PGBD5: variants seen among roughly 807,000 people sequenced by gnomAD.
PGBD5 encodes piggyBac transposable element-derived protein 5.
In PGBD5, 14 loss-of-function variants were observed where a neutral mutation model predicts 47.9. The observed-to-expected ratio is 0.29, with a 90% CI of 0.19 to 0.46. The LOEUF is 0.46. PGBD5 is among the 20% of genes least tolerant of loss of function. PGBD5 has a pLI of 1.00. For synonymous variants in PGBD5, 316 were observed against 306.3 expected, an observed-to-expected ratio of 1.03 and a Z score of -0.33; for missense variants, 635 against 716.0, an observed-to-expected ratio of 0.89 and a Z score of 1.29.
At chr1:230,412,626 G>A (rs2102750787) in intron 1 of PGBD5, among the ~76,000 whole-genome samples, 1 of 152,152 alleles carries the variant, frequency 6.6e-6, no homozygotes. Context: ...CTGACCTCAT[G>A]ATCCACCCTC....
chr1:230,374,948 T>G (rs1667988352), intron 1 of PGBD5, among the ~76,000 whole-genome samples: 1 of 152,188 alleles, frequency 6.6e-6, no homozygotes, highest in Non-Finnish European at 1.5e-5. Context: ...GTCCAGGCCG[T>G]GGCCCTCCTT....
rs554224851 is a variant in PGBD5 at position 230,320,738 on chromosome 1, C to T, written c.*2687G>A. The T allele has an allele frequency of 6.6e-6, 1 of 152,340 alleles. No homozygotes were observed. Among genetic ancestry groups the T allele is most frequent in the African/African-American group, 2.4e-5 (1 of 41,568 alleles). The allele number at this position is 152,340 out of a possible 1,614,324, so 9.4% of individuals were successfully genotyped here. On this transcript the variant is annotated 3_prime_UTR_variant, in exon 7 of 7. Transcript: ENST00000391860. ...GATACTGGAACCAGATGCACTTCAACTAGAGTCACTCCAAAAAGCCACTTT... is the reference window on the plus strand; with the variant it reads ...GATACTGGAACCAGATGCACTTCAATTAGAGTCACTCCAAAAAGCCACTTT...
chr1:230,388,537 TC>T (rs1214312223), intron 1 of PGBD5, among the ~76,000 whole-genome samples: 25 of 152,018 alleles, frequency 1.6e-4, no homozygotes, highest in African/African-American at 6.0e-4. Flanking sequence ...TGCCTCAGCT[TC>T]CCAAGTAGCT....
intron 1 of PGBD5, among the ~76,000 whole-genome samples, chr1:230,397,297 C>T (rs1488441971): frequency 6.6e-6 from 1 of 152,216 alleles, no homozygotes; most frequent in Non-Finnish European, 1.5e-5. Flanking sequence ...TCAGTGGCTA[C>T]ATTTTCTAAT....
At chr1:230,326,686 G>A (rs1667122820) in intron 5 of PGBD5, among the ~76,000 whole-genome samples, 3 of 152,046 alleles carry the variant, frequency 2.0e-5, no homozygotes, top group Admixed American at 6.6e-5. Context: ...ATGTTGCCTA[G>A]GCTGGTCTCA....
intron 1 of PGBD5, among the ~76,000 whole-genome samples, chr1:230,397,883 G>A (rs548149514): frequency 2.6e-5 from 4 of 152,330 alleles, no homozygotes; most frequent in East Asian, 1.9e-4. Flanking sequence ...CACAGAGCTG[G>A]CTTTGGGGGT....
At chr1:230,332,243 C>G (rs932244052) in intron 5 of PGBD5, among the ~76,000 whole-genome samples, 1 of 152,246 alleles carries the variant, frequency 6.6e-6, no homozygotes, top group African/African-American at 2.4e-5. Context: ...TGCCCCCAAG[C>G]ACAGCACAGC....
intron 1 of PGBD5, among the ~76,000 whole-genome samples, chr1:230,400,814 C>T (rs1657119786): frequency 6.6e-6 from 1 of 152,222 alleles, no homozygotes; most frequent in Non-Finnish European, 1.5e-5. Context: ...ATAGCCACTG[C>T]ACTCTAGCCT....
intron 1 of PGBD5, among the ~76,000 whole-genome samples, chr1:230,372,911 C>G (rs1667951114): frequency 6.6e-6 from 1 of 152,142 alleles, no homozygotes; most frequent in Non-Finnish European, 1.5e-5. Context: ...TGGTGCGTCC[C>G]CCTCTCTACA....
intron 1 of PGBD5, among the ~76,000 whole-genome samples, chr1:230,390,087 T>C (rs573524923): frequency 1.2e-4 from 18 of 152,294 alleles, no homozygotes; most frequent in African/African-American, 3.8e-4. Context: ...GGACCCAAAA[T>C]GTACCAATCA....
chr1:230,330,271 G>A (rs945099510), intron 5 of PGBD5, among the ~76,000 whole-genome samples: 3 of 152,174 alleles, frequency 2.0e-5, no homozygotes, highest in Non-Finnish European at 4.4e-5. Context: ...ATCTGTGCCC[G>A]CTGCGATGGT....
intron 1 of PGBD5, among the ~76,000 whole-genome samples, chr1:230,394,287 G>C (rs1465777145): frequency 6.6e-6 from 1 of 151,686 alleles, no homozygotes; most frequent in African/African-American, 2.4e-5. Flanking sequence ...ACTCCACAGG[G>C]ACCAACTCTG....
chr1:230,358,163 G>A lies in PGBD5; in HGVS notation c.332-842C>T, dbSNP rs559086982. ...CACAGCCCCTCCTGTCTCCCGCCAC[G>A]CCATCACACAGGGCTCCTCCCTCCC... On this transcript the variant is annotated intron_variant, in intron 1 of 6. Coordinates refer to ENST00000391860, the MANE Select transcript of PGBD5 (RefSeq NM_001258311.2). Among the ~76,000 whole-genome samples the A allele has an allele frequency of 2.0e-4, 30 of 152,056 alleles. 1 individual carries two copies. The highest frequency in any genetic ancestry group is 6.5e-4 in the African/African-American group (27 of 41,458).
chr1:230,375,232 G>A (rs1010525626), intron 1 of PGBD5, among the ~76,000 whole-genome samples: 5 of 152,192 alleles, frequency 3.3e-5, no homozygotes, highest in African/African-American at 9.7e-5. Flanking sequence ...ATGTTAACAC[G>A]GTAGTCAAAC....
intron 1 of PGBD5, among the ~76,000 whole-genome samples, chr1:230,371,580 G>C (rs1334305844): frequency 2.0e-5 from 3 of 152,168 alleles, no homozygotes; most frequent in African/African-American, 7.2e-5. Flanking sequence ...CAGTAAACCT[G>C]TTCAACTTGG....
At chr1:230,397,202 A>T (rs539601182) in intron 1 of PGBD5, among the ~76,000 whole-genome samples, 13 of 152,330 alleles carry the variant, frequency 8.5e-5, no homozygotes, top group Non-Finnish European at 1.3e-4. Context: ...ATTCCTTCCC[A>T]CTGTTCCCGC....
intron 3 of PGBD5, among the ~76,000 whole-genome samples, chr1:230,341,246 A>C (rs1667404116): frequency 6.6e-6 from 1 of 152,212 alleles, no homozygotes; most frequent in South Asian, 2.1e-4. Context: ...ACTGTTGGCA[A>C]GGCAGTCAAA....
At chr1:230,381,158 C>T (rs1035999876) in intron 1 of PGBD5, among the ~76,000 whole-genome samples, 2 of 152,246 alleles carry the variant, frequency 1.3e-5, no homozygotes, top group Non-Finnish European at 2.9e-5. Context: ...GAAAGCCAAA[C>T]AAGGTTGCGA....
intron 3 of PGBD5, among the ~76,000 whole-genome samples, chr1:230,345,021 C>T (rs574017843): frequency 2.0e-4 from 31 of 152,316 alleles, no homozygotes; most frequent in African/African-American, 6.0e-4. Flanking sequence ...TTGCTGGGAA[C>T]GTTGGTCTCA....
Sources: allele counts gnomAD v4.1 joint callset (sites outside exome capture counted in the v4.1 genomes callset), GRCh38; gene constraint gnomAD v4.1.1; transcripts MANE v1.5; gene names NCBI Gene and HGNC (gene_info 2026-07-23, HGNC 2026-07-21).